MACROD1: variants seen among roughly 807,000 people sequenced by gnomAD.
MACROD1 encodes the protein mono-ADP ribosylhydrolase 1.
A neutral mutation model predicts 41.4 loss-of-function variants in MACROD1; 31 were observed. That is an observed-to-expected ratio of 0.75 (90% CI 0.56 to 1.01). MACROD1 has a LOEUF of 1.01. Among genes scored for constraint, MACROD1 ranks in the 50% least tolerant of loss-of-function variants. The pLI, the probability that MACROD1 is intolerant of heterozygous loss-of-function variation, is 0.00. For missense variants in MACROD1, 473 were observed against 460.0 expected, an observed-to-expected ratio of 1.03 and a Z score of -0.26; for synonymous variants, 252 against 203.4, an observed-to-expected ratio of 1.24 and a Z score of -2.03.
rs966098956 is a variant in MACROD1 at position 64,096,708 on chromosome 11, C to T, written c.517+54531G>A. ...CTGGGATTACAGGCATGAGCCACCG[C>T]ACCCTACCCTCTCCCCCTTTTGTGC... On this transcript the variant is annotated intron_variant, in intron 3 of 10. Transcript: ENST00000255681. The surrounding 1 kb of genome is among the most constrained non-coding windows in gnomAD (Gnocchi z 4.6). Among the ~76,000 whole-genome samples the T allele has an allele frequency of 1.6e-4, 24 of 152,212 alleles. No homozygotes were observed. Among genetic ancestry groups the T allele is most frequent in the African/African-American group, 5.3e-4 (22 of 41,458 alleles).
chr11:64,108,084 C>T (rs779369223), intron 3 of MACROD1, among the ~76,000 whole-genome samples: 5 of 152,068 alleles, frequency 3.3e-5, no homozygotes, highest in Non-Finnish European at 5.9e-5. Flanking sequence ...GAGGCCGAGG[C>T]GGGCAGATCA....
rs1474327798 is a variant in MACROD1 at position 64,090,085 on chromosome 11, C to A, written c.517+61154G>T. On this transcript the variant is annotated intron_variant, in intron 3 of 10. Transcript: ENST00000255681. The surrounding 1 kb of genome is among the most constrained non-coding windows in gnomAD (Gnocchi z 4.7). The stretch of plus-strand genomic sequence containing the variant: ...CAGCTGTGTCATCCTGAGCCCAGAA[C>A]CTTCTAGAATGGGGCTGGGGGAGGG... 1.3e-5 allele frequency among the ~76,000 whole-genome samples: 2 copies of A among 152,182 alleles called. No individual in the cohort carries two copies. Among genetic ancestry groups the A allele is most frequent in the East Asian group, 3.9e-4 (2 of 5,194 alleles).
At chr11:64,110,527 G>C (rs1307423307) in intron 3 of MACROD1, among the ~76,000 whole-genome samples, 1 of 151,960 alleles carries the variant, frequency 6.6e-6, no homozygotes, top group African/African-American at 2.4e-5. Flanking sequence ...CTCTGTCCTG[G>C]AGGTTGGCAG....
chr11:64,020,142 T>G (rs1246594224), intron 3 of MACROD1, among the ~76,000 whole-genome samples: 1 of 152,194 alleles, frequency 6.6e-6, no homozygotes. Flanking sequence ...TTTGTCTTGA[T>G]GCTAACCAAG....
At chr11:64,008,325 G>A (rs1180060668) in intron 4 of MACROD1, among the ~76,000 whole-genome samples, 1 of 150,412 alleles carries the variant, frequency 6.6e-6, no homozygotes, top group African/African-American at 2.5e-5. Context: ...CAGGGTCCCA[G>A]CATGTGTGTG....
chr11:64,002,194 C>T (rs1942836892), intron 4 of MACROD1, among the ~76,000 whole-genome samples: 1 of 152,168 alleles, frequency 6.6e-6, no homozygotes, highest in Non-Finnish European at 1.5e-5. Flanking sequence ...TGAGCTGGCT[C>T]TCCTAGGAGC....
At chr11:64,124,470 A>G (rs1590944168) in intron 3 of MACROD1, among the ~76,000 whole-genome samples, 1 of 152,092 alleles carries the variant, frequency 6.6e-6, no homozygotes, top group African/African-American at 2.4e-5. Context: ...TGCCTGAAAT[A>G]CCCATATTTG....
intron 3 of MACROD1, among the ~76,000 whole-genome samples, chr11:64,125,740 T>C (rs908282303): frequency 1.8e-4 from 28 of 152,150 alleles, no homozygotes; most frequent in Admixed American, 1.3e-4. Context: ...TCAGTTTCCC[T>C]TCTCCAAGAC....
chr11:64,158,528 C>A (rs936476190), intron 1 of MACROD1, among the ~76,000 whole-genome samples: 2 of 152,170 alleles, frequency 1.3e-5, no homozygotes, highest in African/African-American at 4.8e-5. Context: ...CAGGCGTGAG[C>A]CACCACGCCT....
At position 64,159,827 on chromosome 11, in the gene MACROD1, A is replaced by G. The variant is rs368649728; in HGVS notation, c.298+5870T>C. 6.6e-5 allele frequency among the ~76,000 whole-genome samples: 10 copies of G among 152,250 alleles called. No homozygotes were observed. The South Asian group carries it at 1.7e-3, about 25-fold the overall frequency. On this transcript the variant is annotated intron_variant, in intron 1 of 10. Coordinates refer to ENST00000255681, the MANE Select transcript of MACROD1 (RefSeq NM_014067.4). Reference sequence around the variant, plus strand: ...ATTAAAAAAACAAATAAATAAAAATAAATTAGAGAAAGTAACCCCTGGCTA... The same window carrying G: ...ATTAAAAAAACAAATAAATAAAAATGAATTAGAGAAAGTAACCCCTGGCTA...
chr11:64,018,318 G>C (rs1414586690), intron 3 of MACROD1, among the ~76,000 whole-genome samples: 1 of 152,200 alleles, frequency 6.6e-6, no homozygotes, highest in African/African-American at 2.4e-5. Context: ...TGGCCAACCT[G>C]GTGGCTGGGA....
At chr11:64,162,107 C>T (rs1202314881) in intron 1 of MACROD1, among the ~76,000 whole-genome samples, 2 of 151,284 alleles carry the variant, frequency 1.3e-5, no homozygotes, top group African/African-American at 4.9e-5. Context: ...TTTGGGAGGC[C>T]GAGGTGGGTA....
rs528177048 is a variant in MACROD1, at chr11:64,015,507, A to G, written c.518-226T>C. 3.3e-5 allele frequency among the ~76,000 whole-genome samples: 5 copies of G among 152,190 alleles called. No individual in the cohort carries two copies. In the East Asian group the frequency reaches 7.7e-4, roughly 24 times the overall value. ...AGGGTGGTAGGGCTGGGGACACAGG[A>G]GAGCTATCAGGGCCTGCCTGCTCAC... On this transcript the variant is annotated intron_variant, in intron 3 of 10. Coordinates refer to ENST00000255681, the MANE Select transcript of MACROD1 (RefSeq NM_014067.4).
At chr11:64,015,607 C>A (rs916201657) in intron 3 of MACROD1, among the ~76,000 whole-genome samples, 1 of 152,214 alleles carries the variant, frequency 6.6e-6, no homozygotes, top group East Asian at 1.9e-4. Flanking sequence ...TTCACTGTTT[C>A]GCCCACAGTA....
In MACROD1 at chr11:63,998,992, G is replaced by A. The variant is rs766245368; in HGVS notation, c.936C>T (p.Asp312=). Residue 312 remains aspartate (D), a synonymous_variant, in exon 9 of 11, where the codon GAC becomes GAT. Transcript: ENST00000255681. ...AGTGGGGGAGCCGGCTCCGGTAGAT[G>A]TCCTCGTCCTTCTCGAGGAACACGC... ...IICVFLEKDE[D]IYRSRLPHYF... The A allele has an allele frequency of 1.9e-6, 3 of 1,608,950 alleles. No homozygotes were observed. Among genetic ancestry groups the A allele is most frequent in the Non-Finnish European group, 1.7e-6 (2 of 1,178,422 alleles).
chr11:64,099,807 G>A (rs555022215), intron 3 of MACROD1, among the ~76,000 whole-genome samples: 4 of 151,740 alleles, frequency 2.6e-5, no homozygotes, highest in East Asian at 3.9e-4. Flanking sequence ...AAGGATGGAC[G>A]GATGGAGAGG....
intron 3 of MACROD1, among the ~76,000 whole-genome samples, chr11:64,124,903 C>T (rs960765487): frequency 6.6e-6 from 1 of 152,212 alleles, no homozygotes; most frequent in African/African-American, 2.4e-5. Flanking sequence ...TGGTATTGAA[C>T]TCCCAGCCTC....
intron 3 of MACROD1, among the ~76,000 whole-genome samples, chr11:64,049,712 A>G (rs1407879990): frequency 6.6e-6 from 1 of 152,248 alleles, no homozygotes; most frequent in East Asian, 1.9e-4. Flanking sequence ...TGCACACCCC[A>G]GAGCCCAGTG....
Position 64,025,847 on chromosome 11 carries a change from G to T in MACROD1, c.518-10566C>A, listed in dbSNP as rs1324169124. 2.6e-5 allele frequency among the ~76,000 whole-genome samples: 4 copies of T among 151,134 alleles called. No homozygotes were observed. In the East Asian group the frequency reaches 5.9e-4, roughly 22 times the overall value. On this transcript the variant is annotated intron_variant, in intron 3 of 10. Coordinates refer to ENST00000255681, the MANE Select transcript of MACROD1 (RefSeq NM_014067.4). ...AGATCCTTCTGCCTCAGCCTCCCAA[G>T]TAGCTAGGACTACAGGCACACATCA...
Sources: allele counts gnomAD v4.1 joint callset (sites outside exome capture counted in the v4.1 genomes callset), GRCh38; gene constraint gnomAD v4.1.1; non-coding constraint Gnocchi (gnomAD v3.1); transcripts MANE v1.5; gene names NCBI Gene and HGNC (gene_info 2026-07-23, HGNC 2026-07-21).